DLG2: variants seen among roughly 807,000 people sequenced by gnomAD.
DLG2 encodes disks large homolog 2.
In DLG2, 45 loss-of-function variants were observed where a neutral mutation model predicts 132.5. The observed-to-expected ratio is 0.34, with a 90% CI of 0.27 to 0.44. DLG2 has a LOEUF of 0.44. Among genes scored for constraint, DLG2 ranks in the 20% least tolerant of loss-of-function variants. The pLI, the probability that DLG2 is intolerant of heterozygous loss-of-function variation, is 1.00. For synonymous variants in DLG2, 424 were observed against 419.6 expected (o/e 1.01, Z -0.13); for missense variants, 1,045 against 1,196.9 (o/e 0.87, Z 1.87).
intron 7 of DLG2, among the ~76,000 whole-genome samples, chr11:84,494,007 G>T (rs1390969930): frequency 6.6e-6 from 1 of 152,160 alleles, no homozygotes; most frequent in Non-Finnish European, 1.5e-5. Context: ...AAGTGAGGTG[G>T]TTTAAAAGCA....
At chr11:84,797,325 A>G (rs1028337821) in intron 6 of DLG2, among the ~76,000 whole-genome samples, 6 of 152,022 alleles carry the variant, frequency 3.9e-5, no homozygotes, top group Non-Finnish European at 8.8e-5. Context: ...TTCTACCCCA[A>G]ACTCTCTATC....
chr11:85,402,403 G>C (rs937371962), intron 3 of DLG2, among the ~76,000 whole-genome samples: 1 of 152,030 alleles, frequency 6.6e-6, no homozygotes, highest in African/African-American at 2.4e-5. Flanking sequence ...ACAAAACCTA[G>C]GCAATACCAT....
chr11:84,548,350 G>T (rs1314735982), intron 6 of DLG2, among the ~76,000 whole-genome samples: 2 of 151,698 alleles, frequency 1.3e-5, no homozygotes, highest in Non-Finnish European at 1.5e-5. Context: ...TTACATATAT[G>T]CATGTGCCAT....
rs138548819 is a variant in DLG2 at position 83,603,550 on chromosome 11, A to G, written c.1940+29661T>C. On this transcript the variant is annotated intron_variant, in intron 19 of 27. Coordinates refer to ENST00000376104, the MANE Select transcript of DLG2 (RefSeq NM_001142699.3). ...AAAGGAGTCGCTGAGTAATATTTTT[A>G]ATTTTATTAAATAATGTTAAACTGT... 4.6e-5 allele frequency among the ~76,000 whole-genome samples: 7 copies of G among 152,278 alleles called. No homozygotes were observed. The East Asian group carries it at 1.2e-3, about 25-fold the overall frequency.
chr11:84,166,258 C>T (rs2095659665), intron 8 of DLG2, among the ~76,000 whole-genome samples: 1 of 152,070 alleles, frequency 6.6e-6, no homozygotes, highest in South Asian at 2.1e-4. Flanking sequence ...AATTCCAGTA[C>T]TTTGGGAGGC....
intron 14 of DLG2, among the ~76,000 whole-genome samples, chr11:83,954,471 C>G (rs962915329): frequency 3.3e-5 from 5 of 152,154 alleles, no homozygotes; most frequent in African/African-American, 7.2e-5. Context: ...CTCACTCCCC[C>G]CTTTCATTTC....
intron 4 of DLG2, among the ~76,000 whole-genome samples, chr11:85,260,423 T>C (rs191441978): frequency 1.3e-5 from 2 of 152,300 alleles, no homozygotes; most frequent in African/African-American, 2.4e-5. Flanking sequence ...ACTTCAACAC[T>C]TTTGTTCTAA....
At chr11:84,434,395 A>T (rs186672632) in intron 7 of DLG2, among the ~76,000 whole-genome samples, 9 of 152,282 alleles carry the variant, frequency 5.9e-5, no homozygotes, top group Admixed American at 3.9e-4. Context: ...TAGTGGATCT[A>T]GAAGAATGAT....
At chr11:83,699,157 A>T (rs2153637590) in intron 18 of DLG2, among the ~76,000 whole-genome samples, 1 of 152,286 alleles carries the variant, frequency 6.6e-6, no homozygotes, top group South Asian at 2.1e-4. Context: ...AGATAGGAGC[A>T]TAAGGATAGA....
chr11:84,390,264 G>C (rs1447023386), intron 7 of DLG2, among the ~76,000 whole-genome samples: 1 of 152,100 alleles, frequency 6.6e-6, no homozygotes, highest in African/African-American at 2.4e-5. Flanking sequence ...AGTGAATTAT[G>C]AGTTCCCCTG....
chr11:84,147,298 T>C lies in DLG2; in HGVS notation c.624+16163A>G, dbSNP rs182605240. Reference sequence around the variant, plus strand: ...AAATCAACTGTGTGACCAGGGGTACTATGACTGCATTCTTTCCCAGAATCA... The same window carrying C: ...AAATCAACTGTGTGACCAGGGGTACCATGACTGCATTCTTTCCCAGAATCA... On this transcript the variant is annotated intron_variant, in intron 9 of 27. Coordinates refer to ENST00000376104, the MANE Select transcript of DLG2 (RefSeq NM_001142699.3). 8.3e-4 allele frequency among the ~76,000 whole-genome samples: 127 copies of C among 152,272 alleles called. No individual in the cohort carries two copies. In the Middle Eastern group the frequency reaches 0.014, roughly 16 times the overall value.
At chr11:85,271,640 C>A (rs1044300265) in intron 4 of DLG2, among the ~76,000 whole-genome samples, 1 of 152,218 alleles carries the variant, frequency 6.6e-6, no homozygotes, top group Non-Finnish European at 1.5e-5. Flanking sequence ...GGACCCAGCT[C>A]TTGCATAGCA....
At chr11:85,343,487 C>CT (rs1210550885) in intron 3 of DLG2, among the ~76,000 whole-genome samples, 1 of 152,006 alleles carries the variant, frequency 6.6e-6, no homozygotes, top group Non-Finnish European at 1.5e-5. Flanking sequence ...GTTTTAGTGT[C>CT]TTTTTTTAAT....
intron 7 of DLG2, among the ~76,000 whole-genome samples, chr11:84,408,241 A>G (rs971161020): frequency 6.6e-6 from 1 of 152,160 alleles, no homozygotes; most frequent in African/African-American, 2.4e-5. Flanking sequence ...ACCTGAGACC[A>G]ATGTCTTTAT....
chr11:83,715,156 G>T (rs1363989782), intron 18 of DLG2, among the ~76,000 whole-genome samples: 3 of 152,044 alleles, frequency 2.0e-5, no homozygotes, highest in Non-Finnish European at 4.4e-5. Flanking sequence ...CCTTCCCTCT[G>T]GTCCCAAGTC....
intron 4 of DLG2, among the ~76,000 whole-genome samples, chr11:85,215,751 C>T (rs2082547799): frequency 6.6e-6 from 1 of 152,166 alleles, no homozygotes; most frequent in Non-Finnish European, 1.5e-5. Context: ...TAAAATGCTA[C>T]ATAAACCCAA....
rs10641157 is a variant in DLG2 at position 85,341,110 on chromosome 11, T to TTTTTGTTTTG, written c.41-55755_41-55746dup. Among the ~76,000 whole-genome samples the TTTTTGTTTTG allele has an allele frequency of 2.5e-3, 369 of 150,214 alleles. 1 individual carries two copies. Among genetic ancestry groups the TTTTTGTTTTG allele is most frequent in the African/African-American group, 7.9e-3 (322 of 40,700 alleles). On this transcript the variant is annotated intron_variant, in intron 3 of 27. Coordinates refer to ENST00000376104, the MANE Select transcript of DLG2 (RefSeq NM_001142699.3). The stretch of plus-strand genomic sequence containing the variant: ...AAATTTTGTGGCTTTTTCTTGTTTG[T>TTTTTGTTTTG]TTTTGTTTTGTTTTGTTTTGTTTTT...
intron 11 of DLG2, among the ~76,000 whole-genome samples, chr11:83,992,082 G>A (rs923716186): frequency 4.6e-5 from 7 of 152,144 alleles, no homozygotes; most frequent in African/African-American, 1.7e-4. Flanking sequence ...AAAAGCTAGG[G>A]AAGAAGCGTG....
At chr11:84,606,936 G>T (rs1202812796) in intron 6 of DLG2, among the ~76,000 whole-genome samples, 1 of 152,030 alleles carries the variant, frequency 6.6e-6, no homozygotes. Context: ...TCTGAATTGT[G>T]TTTTATTTAC....
Sources: gnomAD v4.1 joint callset for allele counts (sites outside exome capture counted in the v4.1 genomes callset) on GRCh38, gnomAD v4.1.1 for gene constraint, MANE v1.5 for transcripts, NCBI Gene and HGNC (gene_info 2026-07-23, HGNC 2026-07-21) for gene names.